Variants in VIT observed in about 807,000 individuals in gnomAD.
VIT encodes the protein vitrin.
VIT carries 99 observed loss-of-function variants against 78.0 expected under a neutral mutation model. The observed-to-expected ratio is 1.27, with a 90% CI of 1.08 to 1.50. The LOEUF is 1.50. VIT is among the 40% of genes most tolerant of loss of function. VIT has a pLI of 0.00. For missense variants in VIT, 1,126 were observed against 875.3 expected (o/e 1.29, Z -3.61); for synonymous variants, 374 against 334.3 (o/e 1.12, Z -1.29).
intron 5 of VIT, among the ~76,000 whole-genome samples, chr2:36,755,952 A>G (rs916196056): frequency 6.1e-5 from 4 of 65,506 alleles, no homozygotes; most frequent in East Asian, 4.4e-4. Context: ...AGGACAACAC[A>G]GTATTTTTTT....
Position 36,701,536 on chromosome 2 carries a change from C to T in VIT, c.-19+4563C>T, listed in dbSNP as rs565898891. Among the ~76,000 whole-genome samples the T allele has an allele frequency of 5.3e-5, 8 of 152,278 alleles. No homozygotes were observed. In the East Asian group the frequency reaches 5.8e-4, roughly 11 times the overall value. ...GAGAAAGGCTAAACTTCTGTGTGGA[C>T]GTGTGGTAAAATTCATAAAAACTGC... On this transcript the variant is annotated intron_variant, in intron 1 of 15. Coordinates refer to ENST00000379242, the MANE Select transcript of VIT (RefSeq NM_053276.4).
chr2:36,808,819 G>GGT lies in VIT; in HGVS notation c.1739_1740dup (p.Gly581TrpfsTer32). ...CTGACATCCTCAACGCCATCAAGAG[G>GGT]GTGGGCTACTGGAGTGGTGGCACCA... On this transcript the variant is annotated frameshift_variant, in exon 15 of 16. Coordinates refer to ENST00000379242, the MANE Select transcript of VIT (RefSeq NM_053276.4). LOFTEE classifies it high-confidence loss of function. 1.2e-6 allele frequency: 2 copies of GGT among 1,614,198 alleles called. No homozygotes were observed. Among genetic ancestry groups the GGT allele is most frequent in the Non-Finnish European group, 1.7e-6 (2 of 1,180,026 alleles).
In VIT at chr2:36,805,313, A is replaced by G. The variant is rs1043370784; in HGVS notation, c.1163-125A>G. On this transcript the variant is annotated intron_variant, in intron 13 of 15. Transcript: ENST00000379242. Reference sequence around the variant, plus strand: ...AGCAAGACCCTGTCTCAAAGGAAAAAAAAAAAAAAAAAAACTAGGGAGGGA... The same window carrying G: ...AGCAAGACCCTGTCTCAAAGGAAAAGAAAAAAAAAAAAAACTAGGGAGGGA... The G allele has an allele frequency of 2.9e-5, 33 of 1,144,606 alleles. No individual in the cohort carries two copies. In the African/African-American group the frequency reaches 5.2e-4, roughly 18 times the overall value. 70.9% of individuals were successfully genotyped at this position (1,144,606 alleles called of 1,614,324 possible).
At position 36,795,403 on chromosome 2, in the gene VIT, A is replaced by ATTTAT. The variant is rs1159620880; in HGVS notation, c.1059-5881_1059-5877dup. ...TATTTTATATTTTATTTTATATTTT[A>ATTTAT]TTTATTTTATTTTATTTTATTGAGA... On this transcript the variant is annotated intron_variant, in intron 12 of 15. Transcript: ENST00000379242. Among the ~76,000 whole-genome samples the ATTTAT allele has an allele frequency of 4.3e-4, 63 of 147,304 alleles. No individual in the cohort carries two copies. In the East Asian group the frequency reaches 5.2e-3, roughly 12 times the overall value.
chr2:36,812,918 C>T (rs1191318160), intron 15 of VIT, among the ~76,000 whole-genome samples: 7 of 143,546 alleles, frequency 4.9e-5, no homozygotes, highest in African/African-American at 7.9e-5. Flanking sequence ...TGGAGTGCAG[C>T]GGTGCCATCT....
chr2:36,730,306 GA>G (rs909962579), intron 3 of VIT, among the ~76,000 whole-genome samples: 7 of 150,786 alleles, frequency 4.6e-5, no homozygotes, highest in African/African-American at 1.2e-4. Flanking sequence ...AAAACAGGGG[GA>G]AAAAAAAGAA....
At chr2:36,765,237 T>C (rs938771922) in intron 6 of VIT, among the ~76,000 whole-genome samples, 2 of 152,050 alleles carry the variant, frequency 1.3e-5, no homozygotes, top group African/African-American at 2.4e-5. Flanking sequence ...TTCACATCCA[T>C]AGAGGAGGAG....
intron 14 of VIT, among the ~76,000 whole-genome samples, chr2:36,806,587 C>A (rs1177333207): frequency 6.6e-6 from 1 of 152,184 alleles, no homozygotes; most frequent in African/African-American, 2.4e-5. Flanking sequence ...CACTCTGTCG[C>A]CCAGGCTGGA....
At position 36,814,326 on chromosome 2, in the gene VIT, A is replaced by G; in HGVS notation, c.2047A>G (p.Ile683Val). The G allele has an allele frequency of 6.2e-7, 1 of 1,614,224 alleles. No individual in the cohort carries two copies. Among genetic ancestry groups the G allele is most frequent in the African/African-American group, 1.3e-5 (1 of 75,054 alleles). The change falls in exon 16 of 16, where the codon ATT becomes GTT. Residue 683 changes from isoleucine to valine, a missense_variant. By Grantham distance (29) the Ile-to-Val change is conservative (BLOSUM62 3). Coordinates refer to ENST00000379242, the MANE Select transcript of VIT (RefSeq NM_053276.4). The stretch of plus-strand genomic sequence containing the variant: ...GTATGTCCCCAGGATCATCCAGAAC[A>G]TTTGTACAGAGTTCAACTCACAGCC... ...HQYVPRIIQNICTEFNSQPRN is the reference protein window; with the variant it reads ...HQYVPRIIQNVCTEFNSQPRN
intron 3 of VIT, among the ~76,000 whole-genome samples, chr2:36,733,298 C>T (rs1411234772): frequency 6.6e-6 from 1 of 152,192 alleles, no homozygotes; most frequent in African/African-American, 2.4e-5. Context: ...CCTGCTTCTT[C>T]TCTCTGTGCA....
chr2:36,798,563 T>C (rs936955319), intron 12 of VIT, among the ~76,000 whole-genome samples: 2 of 152,238 alleles, frequency 1.3e-5, no homozygotes, highest in Non-Finnish European at 2.9e-5. Flanking sequence ...GAGACCAGCC[T>C]GGCCAACATA....
At chr2:36,735,582 T>C (rs1298777155) in intron 3 of VIT, among the ~76,000 whole-genome samples, 1 of 152,236 alleles carries the variant, frequency 6.6e-6, no homozygotes, top group African/African-American at 2.4e-5. Context: ...CACTGTTTCC[T>C]GGATGATGGG....
chr2:36,798,620 A>G (rs745777128), intron 12 of VIT, among the ~76,000 whole-genome samples: 2 of 152,216 alleles, frequency 1.3e-5, no homozygotes, highest in South Asian at 4.1e-4. Flanking sequence ...TAAGCCAGGC[A>G]TGGTGAAAGG....
chr2:36,728,818 AAAAAAAAAAAAG>A (rs1472926765), intron 2 of VIT, among the ~76,000 whole-genome samples: 1 of 136,438 alleles, frequency 7.3e-6, no homozygotes, highest in Non-Finnish European at 1.5e-5. Flanking sequence ...GTCTCAAAAA[AAAAAAAAAAAAG>A]AAAAAAGAAA....
intron 9 of VIT, among the ~76,000 whole-genome samples, chr2:36,778,223 G>A (rs1670186465): frequency 6.6e-6 from 1 of 152,178 alleles, no homozygotes; most frequent in African/African-American, 2.4e-5. Context: ...TGCTGCTGGG[G>A]CTTTTGCCTT....
chr2:36,797,277 A>T (rs560173916), intron 12 of VIT, among the ~76,000 whole-genome samples: 1 of 152,352 alleles, frequency 6.6e-6, no homozygotes, highest in East Asian at 1.9e-4. Flanking sequence ...CTTCTTAGTT[A>T]ATCTGTTTCT....
intron 3 of VIT, among the ~76,000 whole-genome samples, chr2:36,737,187 G>A (rs536809187): frequency 8.1e-4 from 123 of 152,314 alleles, no homozygotes; most frequent in Non-Finnish European, 1.6e-3. Flanking sequence ...ACAGGCAGAG[G>A]TTGGGAAAGG....
At chr2:36,810,090 G>A (rs904335684) in intron 15 of VIT, among the ~76,000 whole-genome samples, 3 of 151,782 alleles carry the variant, frequency 2.0e-5, no homozygotes, top group Non-Finnish European at 2.9e-5. Flanking sequence ...TTGGGAGTTC[G>A]AGACTAGCCT....
At chr2:36,791,917 C>G (rs1373446186) in intron 12 of VIT, among the ~76,000 whole-genome samples, 1 of 152,072 alleles carries the variant, frequency 6.6e-6, no homozygotes, top group Non-Finnish European at 1.5e-5. Context: ...CACTCTGTCT[C>G]ATTCTCTGAG....
Sources: allele counts gnomAD v4.1 joint callset (sites outside exome capture counted in the v4.1 genomes callset), GRCh38; gene constraint gnomAD v4.1.1; transcripts MANE v1.5; gene names NCBI Gene and HGNC (gene_info 2026-07-23, HGNC 2026-07-21).